The following NEXMIF variants were observed in gnomAD, a reference collection of about 807,000 sequenced individuals.
NEXMIF encodes the protein neurite extension and migration factor.
Under a neutral mutation model 62.1 loss-of-function variants are expected in NEXMIF, and 8 were observed. The ratio of observed to expected loss-of-function variants is 0.13; its 90% CI spans 0.08 to 0.23. NEXMIF has a LOEUF of 0.23. NEXMIF is among the 10% of genes least tolerant of loss of function. NEXMIF has a pLI of 1.00. For synonymous variants in NEXMIF, 404 were observed against 416.6 expected (o/e 0.97, Z 0.37); for missense variants, 976 against 1,113.3 (o/e 0.88, Z 1.75).
chrX:74,809,261 C>A (rs1027278724), intron 1 of NEXMIF, among the ~76,000 whole-genome samples: 1 of 112,032 alleles, frequency 8.9e-6, no homozygotes, highest in Non-Finnish European at 1.9e-5. Context: ...TTGTCACACC[C>A]AGACCATTAT....
At chrX:74,776,093 G>A (rs1434588794) in intron 1 of NEXMIF, among the ~76,000 whole-genome samples, 1 of 111,098 alleles carries the variant, frequency 9.0e-6, no homozygotes, top group East Asian at 2.8e-4. Context: ...ATAAAATTCT[G>A]GCCCTGTTGA....
At chrX:74,778,465 C>T (rs906730283) in intron 1 of NEXMIF, among the ~76,000 whole-genome samples, 7 of 111,118 alleles carry the variant, frequency 6.3e-5, no homozygotes, top group African/African-American at 1.6e-4. Flanking sequence ...CTCGCTCTCT[C>T]GCCCAGGCTG....
Position 74,743,905 on chromosome X carries a change from G to T in NEXMIF, c.652C>A (p.Arg218=), listed in dbSNP as rs758719615. ...TCAATGTCAGGTTTCTCAGTTTCTC[G>T]TCTGTCTCCTGCCCTTGACTTATGC... ...PLHKSRAGDR[R]ETEKPDIDLE... Residue 218 remains arginine (R), a synonymous_variant, in exon 3 of 4, where the codon CGA becomes AGA. Coordinates refer to ENST00000055682, the MANE Select transcript of NEXMIF (RefSeq NM_001008537.3). 4.1e-6 allele frequency: 5 copies of T among 1,210,953 alleles called. No individual in the cohort carries two copies. In the Admixed American group the frequency reaches 8.7e-5, roughly 21 times the overall value.
chrX:74,888,023 G>T (rs2080702965), intron 1 of NEXMIF, among the ~76,000 whole-genome samples: 1 of 109,418 alleles, frequency 9.1e-6, no homozygotes, highest in South Asian at 3.9e-4. Context: ...ATCATTCTCA[G>T]CAAACTATCA....
intron 1 of NEXMIF, among the ~76,000 whole-genome samples, chrX:74,871,756 C>T (rs970037982): frequency 8.9e-6 from 1 of 111,843 alleles, no homozygotes; most frequent in Admixed American, 9.5e-5. Context: ...ACCCCACAGG[C>T]AGTCAGCCCT....
intron 1 of NEXMIF, among the ~76,000 whole-genome samples, chrX:74,840,224 T>C (rs2080469710): frequency 8.9e-6 from 1 of 111,888 alleles, no homozygotes; most frequent in African/African-American, 3.3e-5. Flanking sequence ...TTTTGAGAAC[T>C]GTCTGTTCAT....
intron 1 of NEXMIF, among the ~76,000 whole-genome samples, chrX:74,776,134 G>A (rs2147456837): frequency 9.0e-6 from 1 of 110,839 alleles, no homozygotes; most frequent in South Asian, 3.8e-4. Flanking sequence ...AAGTAGAAGG[G>A]GAATTTCTCC....
At chrX:74,841,054 C>A (rs1366392582) in intron 1 of NEXMIF, among the ~76,000 whole-genome samples, 1 of 111,965 alleles carries the variant, frequency 8.9e-6, no homozygotes, top group Non-Finnish European at 1.9e-5. Flanking sequence ...AGAATTGAAT[C>A]TGTAAGTTGC....
chrX:74,811,352 T>C (rs5981700), intron 1 of NEXMIF, among the ~76,000 whole-genome samples: 18,702 of 111,167 alleles, frequency 0.17, 2,237 homozygotes, highest in East Asian at 0.91. Flanking sequence ...CCGCATTCCA[T>C]CTGTAGGCTA....
rs1350201560 is a variant in NEXMIF at position 74,734,982 on chromosome X, C to T, written c.*4423G>A. ...GGTCTTTGAGAAACCTTTACAAAAT[C>T]CCTGGCCTACATTGTGTTGACAAGA... is the stretch of plus-strand genomic sequence containing the variant. On this transcript the variant is annotated 3_prime_UTR_variant, in exon 4 of 4. Transcript: ENST00000055682. The T allele has an allele frequency of 1.8e-5, 2 of 111,799 alleles. No individual in the cohort carries two copies. The highest frequency in any genetic ancestry group is 6.5e-5 in the African/African-American group (2 of 30,693). The allele number at this position is 111,799 out of a possible 1,213,427, so 9.2% of individuals were successfully genotyped here.
intron 1 of NEXMIF, among the ~76,000 whole-genome samples, chrX:74,756,427 A>G (rs2080159560): frequency 9.0e-6 from 1 of 111,434 alleles, no homozygotes. Flanking sequence ...GCACCCAGGA[A>G]CCCAAACACA....
intron 1 of NEXMIF, among the ~76,000 whole-genome samples, chrX:74,779,182 T>C (rs1443516726): frequency 8.9e-6 from 1 of 112,536 alleles, no homozygotes; most frequent in African/African-American, 3.2e-5. Flanking sequence ...CAAATAGATA[T>C]GTTTTTCACT....
intron 1 of NEXMIF, among the ~76,000 whole-genome samples, chrX:74,873,236 C>T (rs1407418073): frequency 4.5e-5 from 5 of 110,167 alleles, no homozygotes; most frequent in South Asian, 3.9e-4. Context: ...TGAGAATATG[C>T]GGTGTTTGGT....
intron 1 of NEXMIF, among the ~76,000 whole-genome samples, chrX:74,807,764 C>G (rs1313715923): frequency 8.9e-6 from 1 of 111,964 alleles, no homozygotes; most frequent in Non-Finnish European, 1.9e-5. Flanking sequence ...TGCTGACATT[C>G]TTTTCCTTGT....
intron 1 of NEXMIF, among the ~76,000 whole-genome samples, chrX:74,804,928 T>C (rs771897802): frequency 6.2e-5 from 7 of 112,148 alleles, no homozygotes; most frequent in African/African-American, 2.3e-4. Context: ...AACCACTAGA[T>C]GTGCGATTCC....
intron 1 of NEXMIF, among the ~76,000 whole-genome samples, chrX:74,782,743 G>T (rs1276155060): frequency 1.8e-5 from 2 of 111,766 alleles, no homozygotes; most frequent in Non-Finnish European, 3.8e-5. Context: ...CATTTGTCAA[G>T]GTCTACCTCC....
Position 74,877,351 on chromosome X carries a change from T to C in NEXMIF, c.-48+47532A>G, listed in dbSNP as rs927748166. The stretch of plus-strand genomic sequence containing the variant: ...CTCTTCTGGCTTGTAGAGTTTCTGC[T>C]GAGAGATCTGCTGTTAGTCTGATGG... On this transcript the variant is annotated intron_variant, in intron 1 of 3. Transcript: ENST00000055682. Among the ~76,000 whole-genome samples, 7 of 112,070 alleles carry C rather than the reference T, an allele frequency of 6.2e-5. No homozygotes were observed. The South Asian group carries it at 1.9e-3, about 30-fold the overall frequency.
chrX:74,833,165 G>T (rs1051180203), intron 1 of NEXMIF, among the ~76,000 whole-genome samples: 19 of 104,973 alleles, frequency 1.8e-4, no homozygotes, highest in African/African-American at 5.4e-4. Context: ...ATGTTTCTTT[G>T]TTGATTGTCT....
chrX:74,830,873 A>G (rs2080433967), intron 1 of NEXMIF, among the ~76,000 whole-genome samples: 1 of 111,852 alleles, frequency 8.9e-6, no homozygotes, highest in African/African-American at 3.2e-5. Flanking sequence ...GGTATATAGA[A>G]ATGCTACTGA....
Sources: gnomAD v4.1 joint callset for allele counts (sites outside exome capture counted in the v4.1 genomes callset) on GRCh38, gnomAD v4.1.1 for gene constraint, MANE v1.5 for transcripts, NCBI Gene and HGNC (gene_info 2026-07-23, HGNC 2026-07-21) for gene names.